The following GABRA3 variants were observed in gnomAD, a reference collection of about 807,000 sequenced individuals.
The protein encoded by GABRA3 is gamma-aminobutyric acid receptor subunit alpha-3.
A neutral mutation model predicts 30.1 loss-of-function variants in GABRA3; 10 were observed. The observed-to-expected ratio is 0.33, with a 90% confidence interval of 0.20 to 0.56. The LOEUF is 0.56. Among genes scored for constraint, GABRA3 ranks in the 20% least tolerant of loss-of-function variants. The pLI is 0.89. For missense variants in GABRA3, 233 were observed against 392.0 expected, an observed-to-expected ratio of 0.59 and a Z score of 3.42; for synonymous variants, 151 against 146.8, an observed-to-expected ratio of 1.03 and a Z score of -0.21.
intron 3 of GABRA3, among the ~76,000 whole-genome samples, chrX:152,288,900 T>A (rs1939344064): frequency 9.0e-6 from 1 of 111,674 alleles, no homozygotes; most frequent in South Asian, 3.7e-4. Context: ...AATATTATCC[T>A]CTGAAACAAA....
chrX:152,228,927 A>T (rs1938015861), intron 5 of GABRA3, among the ~76,000 whole-genome samples: 1 of 111,575 alleles, frequency 9.0e-6, no homozygotes, highest in Admixed American at 9.6e-5. Context: ...TTAGAAAAAA[A>T]GAAATCAAAG....
intron 4 of GABRA3, among the ~76,000 whole-genome samples, chrX:152,263,412 T>G (rs1190961392): frequency 9.1e-6 from 1 of 110,148 alleles, no homozygotes; most frequent in Non-Finnish European, 1.9e-5. Flanking sequence ...ATTCTCGAAC[T>G]GAAAAATGCA....
chrX:152,231,849 C>A (rs767931394), intron 5 of GABRA3, among the ~76,000 whole-genome samples: 45 of 111,827 alleles, frequency 4.0e-4, no homozygotes, highest in Non-Finnish European at 7.4e-4. Flanking sequence ...GGAATACACA[C>A]AATGGCATGG....
chrX:152,348,450 A>G (rs146750800), intron 2 of GABRA3, among the ~76,000 whole-genome samples: 2 of 111,842 alleles, frequency 1.8e-5, no homozygotes, highest in East Asian at 5.7e-4. Context: ...ATAATAATTC[A>G]TCATTGAAAA....
intron 3 of GABRA3, among the ~76,000 whole-genome samples, chrX:152,296,611 G>C (rs777102395): frequency 1.8e-5 from 2 of 111,510 alleles, no homozygotes; most frequent in Non-Finnish European, 3.8e-5. Flanking sequence ...TTGGGTTCTA[G>C]CATTTTGCTT....
chrX:152,216,734 G>A (rs1453956684), intron 6 of GABRA3, among the ~76,000 whole-genome samples: 3 of 109,362 alleles, frequency 2.7e-5, no homozygotes, highest in Non-Finnish European at 3.8e-5. Context: ...AATAAGTTCT[G>A]GTGTGCTATT....
At chrX:152,185,568 G>A (rs985656486) in intron 9 of GABRA3, among the ~76,000 whole-genome samples, 1 of 111,309 alleles carries the variant, frequency 9.0e-6, no homozygotes, top group Non-Finnish European at 1.9e-5. Flanking sequence ...AAGCCTTGCA[G>A]CTATCTAAAA....
chrX:152,179,661 A>T (rs1036911140), intron 9 of GABRA3, among the ~76,000 whole-genome samples: 2 of 109,387 alleles, frequency 1.8e-5, no homozygotes, highest in Admixed American at 2.0e-4. Flanking sequence ...CACCTGGCTA[A>T]TTTTTTGTAT....
intron 3 of GABRA3, among the ~76,000 whole-genome samples, chrX:152,303,718 A>G (rs1939673436): frequency 9.1e-6 from 1 of 109,724 alleles, no homozygotes; most frequent in African/African-American, 3.3e-5. Context: ...GGAACAGAAA[A>G]CCAAACACCA....
At chrX:152,279,549 C>T (rs5970258) in intron 4 of GABRA3, among the ~76,000 whole-genome samples, 9,201 of 111,034 alleles carry the variant, frequency 0.083, 823 homozygotes, top group African/African-American at 0.26. Flanking sequence ...TAGTGTGATG[C>T]CTCCAGCTTT....
intron 3 of GABRA3, among the ~76,000 whole-genome samples, chrX:152,328,284 G>A (rs1253052995): frequency 9.0e-6 from 1 of 111,730 alleles, no homozygotes; most frequent in African/African-American, 3.3e-5. Context: ...TGAGGAGCTG[G>A]TACCATTCCT....
At position 152,199,780 on chromosome X, in the gene GABRA3, C is replaced by A. The variant is rs759124787; in HGVS notation, c.779-1995G>T. Reference sequence around the variant, plus strand: ...CTTTCCACTGACTTCTCAACCCCACCGTGTTCTGTTGCTCTCTCTCTCACT... The same window carrying A: ...CTTTCCACTGACTTCTCAACCCCACAGTGTTCTGTTGCTCTCTCTCTCACT... On this transcript the variant is annotated intron_variant, in intron 7 of 9. Transcript: ENST00000370314. Among the ~76,000 whole-genome samples the A allele has an allele frequency of 6.3e-5, 7 of 110,557 alleles. No individual in the cohort carries two copies. In the East Asian group the frequency reaches 2.0e-3, roughly 32 times the overall value.
chrX:152,333,934 T>A (rs1940197834), intron 3 of GABRA3, among the ~76,000 whole-genome samples: 1 of 111,465 alleles, frequency 9.0e-6, no homozygotes, highest in Non-Finnish European at 1.9e-5. Context: ...TGAAAGGCCA[T>A]GAATAGTCAA....
intron 3 of GABRA3, among the ~76,000 whole-genome samples, chrX:152,294,844 C>T (rs1326204268): frequency 9.0e-6 from 1 of 111,027 alleles, no homozygotes; most frequent in Non-Finnish European, 1.9e-5. Context: ...GATGTTGATG[C>T]TATTCCTTTC....
intron 1 of GABRA3, among the ~76,000 whole-genome samples, chrX:152,426,681 C>T (rs1029980486): frequency 1.8e-5 from 2 of 111,775 alleles, no homozygotes; most frequent in African/African-American, 3.3e-5. Context: ...ATTCCTTATT[C>T]GAAGTGGTTT....
intron 4 of GABRA3, among the ~76,000 whole-genome samples, chrX:152,279,534 T>G (rs896228681): frequency 1.8e-5 from 2 of 111,597 alleles, no homozygotes; most frequent in Non-Finnish European, 3.8e-5. Context: ...TAGCTTGAAG[T>G]CAGGTAGTGT....
chrX:152,415,680 T>C (rs1300956553), intron 1 of GABRA3, among the ~76,000 whole-genome samples: 1 of 111,570 alleles, frequency 9.0e-6, no homozygotes, highest in Admixed American at 9.5e-5. Flanking sequence ...ATAGTTAACA[T>C]TGTACTACCG....
chrX:152,395,271 C>T (rs1929627713), intron 1 of GABRA3, among the ~76,000 whole-genome samples: 2 of 111,199 alleles, frequency 1.8e-5, no homozygotes, highest in Non-Finnish European at 3.8e-5. Flanking sequence ...GAACAGACAG[C>T]AAATATGGAG....
chrX:152,302,670 T>C (rs1470664070), intron 3 of GABRA3, among the ~76,000 whole-genome samples: 1 of 110,999 alleles, frequency 9.0e-6, no homozygotes, highest in Non-Finnish European at 1.9e-5. Flanking sequence ...ACTATTGATC[T>C]CATCACCCAG....
Sources: gnomAD v4.1 joint callset for allele counts (sites outside exome capture counted in the v4.1 genomes callset) on GRCh38, gnomAD v4.1.1 for gene constraint, MANE v1.5 for transcripts, NCBI Gene and HGNC (gene_info 2026-07-23, HGNC 2026-07-21) for gene names.